Variants in ODAD1 observed in about 807,000 individuals in gnomAD.
The protein encoded by ODAD1 is outer dynein arm-docking complex subunit 1.
ODAD1 carries 49 observed loss-of-function variants against 67.2 expected under a neutral mutation model. That is an observed-to-expected ratio of 0.73 (90% CI 0.58 to 0.92). The LOEUF is 0.92. Ranked by LOEUF, ODAD1 falls within the 40% of genes least tolerant of loss-of-function variation. The pLI, the probability that ODAD1 is intolerant of heterozygous loss-of-function variation, is 0.00. For synonymous variants in ODAD1, 345 were observed against 393.7 expected (o/e 0.88, Z 1.46); for missense variants, 897 against 953.7 (o/e 0.94, Z 0.78).
chr19:48,306,674 C>T lies in ODAD1; in HGVS notation c.598-351G>A, dbSNP rs73585376. Among the ~76,000 whole-genome samples, 485 of 152,160 alleles carry T rather than the reference C, an allele frequency of 3.2e-3. 5 individuals carry two copies. The highest frequency in any genetic ancestry group is 0.011 in the African/African-American group (468 of 41,514). On this transcript the variant is annotated intron_variant, in intron 7 of 15. Transcript: ENST00000674294. ...GAACCTTGTTAATGTTTTACATATTCATAAAGGAAATTAAATCAATAAAGA... is the reference window on the plus strand; with the variant it reads ...GAACCTTGTTAATGTTTTACATATTTATAAAGGAAATTAAATCAATAAAGA...
intron 7 of ODAD1, among the ~76,000 whole-genome samples, chr19:48,309,063 G>T (rs1014544589): frequency 6.6e-6 from 1 of 152,084 alleles, no homozygotes; most frequent in African/African-American, 2.4e-5. Context: ...ACCCTGAACG[G>T]CCCAGGAAAG....
chr19:48,314,040 C>G (rs917779605), intron 5 of ODAD1, among the ~76,000 whole-genome samples: 1 of 151,936 alleles, frequency 6.6e-6, no homozygotes, highest in Non-Finnish European at 1.5e-5. Flanking sequence ...GTCAGGAGTT[C>G]GAGACCAGCC....
At chr19:48,313,981 G>A (rs61439211) in intron 5 of ODAD1, among the ~76,000 whole-genome samples, 3,453 of 152,266 alleles carry the variant, frequency 0.023, 139 homozygotes, top group African/African-American at 0.079. Flanking sequence ...GGTGGCTCAC[G>A]CCTGTAATCC....
At chr19:48,316,402 A>G (rs249374) in intron 5 of ODAD1, among the ~76,000 whole-genome samples, 56,172 of 150,526 alleles carry the variant, frequency 0.37, 11,029 homozygotes, top group African/African-American at 0.47. Context: ...AAACCTGCCT[A>G]ACTGTGCAAA....
chr19:48,300,034 G>A (rs1215193713), intron 12 of ODAD1, among the ~76,000 whole-genome samples: 1 of 151,114 alleles, frequency 6.6e-6, no homozygotes, highest in East Asian at 1.9e-4. Flanking sequence ...GCCGGGCACA[G>A]TGGCTCATGC....
In ODAD1 at chr19:48,302,790, C is replaced by T. The variant is rs777952298; in HGVS notation, c.1144G>A (p.Val382Met). ...ACCTTGTCCATGCGCTGCTGCAACA[C>T]CTTCTGCTGCTGCTCCTGCAGCAAA... is the stretch of plus-strand genomic sequence containing the variant. ...QHLLQEQQQK[V>M]LQQRMDKVHS... Residue 382 changes from valine to methionine, a missense_variant, in exon 12 of 16, where the codon GTG becomes ATG. By Grantham distance (21) the Val-to-Met change is conservative (BLOSUM62 1). Coordinates refer to ENST00000674294, the MANE Select transcript of ODAD1 (RefSeq NM_001364171.2). 5 of 1,614,022 alleles carry T rather than the reference C, an allele frequency of 3.1e-6. No homozygotes were observed. The highest frequency in any genetic ancestry group is 1.6e-4 in the Middle Eastern group (1 of 6,062).
intron 12 of ODAD1, 132 bp downstream of exon 12, chr19:48,302,562 A>C (rs1436123732): frequency 1.2e-5 from 8 of 674,492 alleles, no homozygotes; most frequent in African/African-American, 1.8e-5. Flanking sequence ...GGTTGGAAAG[A>C]TGGACAGATA....
At chr19:48,298,651 C>T (rs1968373283) in intron 12 of ODAD1, among the ~76,000 whole-genome samples, 1 of 152,214 alleles carries the variant, frequency 6.6e-6, no homozygotes, top group Non-Finnish European at 1.5e-5. Context: ...CTTGGCTTGA[C>T]ACGCTGCTGC....
chr19:48,309,054 C>T (rs533387570), intron 7 of ODAD1, among the ~76,000 whole-genome samples: 85 of 152,286 alleles, frequency 5.6e-4, no homozygotes, highest in African/African-American at 1.8e-3. Context: ...GCAGCCTGTA[C>T]CCTGAACGGC....
At chr19:48,298,149 C>T in intron 13 of ODAD1, 28 bp downstream of exon 13, 1 of 1,612,196 alleles carries the variant, frequency 6.2e-7, no homozygotes, top group South Asian at 1.1e-5. Context: ...AGACCGGCCT[C>T]CTGTCCCGGC....
Position 48,311,339 on chromosome 19 carries a change from T to C in ODAD1, c.597+214A>G, listed in dbSNP as rs543042515. On this transcript the variant is annotated intron_variant, in intron 7 of 15. Coordinates refer to ENST00000674294, the MANE Select transcript of ODAD1 (RefSeq NM_001364171.2). ...CTGGGTGATACTATTCAGAATGACATTCTGCTTTCTACAACTATAAATGAG... is the reference window on the plus strand; with the variant it reads ...CTGGGTGATACTATTCAGAATGACACTCTGCTTTCTACAACTATAAATGAG... 2.6e-5 allele frequency among the ~76,000 whole-genome samples: 4 copies of C among 152,336 alleles called. No homozygotes were observed. The South Asian group carries it at 6.2e-4, about 24-fold the overall frequency.
intron 12 of ODAD1, among the ~76,000 whole-genome samples, chr19:48,299,185 G>C (rs1968390246): frequency 6.6e-6 from 1 of 152,230 alleles, no homozygotes; most frequent in African/African-American, 2.4e-5. Context: ...AAGGCAGGCA[G>C]ATCATTTGAG....
chr19:48,318,078 C>T (rs1600875108), intron 5 of ODAD1, among the ~76,000 whole-genome samples: 1 of 151,782 alleles, frequency 6.6e-6, no homozygotes, highest in African/African-American at 2.4e-5. Flanking sequence ...GTCTCAAAAA[C>T]AAAACAAAAG....
chr19:48,319,516 T>C, intron 3 of ODAD1: 1 of 788,224 alleles, frequency 1.3e-6, no homozygotes, highest in African/African-American at 1.9e-5. Context: ...TCCAAAAACA[T>C]TTGGCAATGT....
chr19:48,311,055 A>G (rs1968745492), intron 7 of ODAD1, among the ~76,000 whole-genome samples: 1 of 152,192 alleles, frequency 6.6e-6, no homozygotes, highest in Non-Finnish European at 1.5e-5. Context: ...TACTAAAAAT[A>G]CAAAAAATTA....
chr19:48,319,357 T>C (rs1047089800), intron 3 of ODAD1: 2 of 837,842 alleles, frequency 2.4e-6, no homozygotes, highest in Non-Finnish European at 2.9e-6. Flanking sequence ...CCTCCCATGA[T>C]GCCCCAGTAC....
chr19:48,299,664 G>A (rs192224972), intron 12 of ODAD1, among the ~76,000 whole-genome samples: 1 of 151,870 alleles, frequency 6.6e-6, no homozygotes, highest in Admixed American at 6.6e-5. Flanking sequence ...TTAGCTGGGT[G>A]TGGTGGTGTG....
chr19:48,309,960 C>T (rs999481608), intron 7 of ODAD1, among the ~76,000 whole-genome samples: 2 of 152,200 alleles, frequency 1.3e-5, no homozygotes, highest in African/African-American at 4.8e-5. Context: ...ACCGGCCGGG[C>T]GTGGTGGCTC....
intron 10 of ODAD1, chr19:48,303,300 A>G (rs1968518815): frequency 3.2e-6 from 2 of 619,384 alleles, no homozygotes; most frequent in Admixed American, 2.7e-5. Context: ...ACAGAAATAC[A>G]CAGCAAGGCA....
Sources: gnomAD v4.1 joint callset for allele counts (sites outside exome capture counted in the v4.1 genomes callset) on GRCh38, gnomAD v4.1.1 for gene constraint, MANE v1.5 for transcripts, NCBI Gene and HGNC (gene_info 2026-07-23, HGNC 2026-07-21) for gene names.